PINX1: variants seen among roughly 807,000 people sequenced by gnomAD.
PINX1 encodes PIN2/TERF1-interacting telomerase inhibitor 1.
PINX1 carries 34 observed loss-of-function variants against 25.4 expected under a neutral mutation model. The observed-to-expected ratio is 1.34, with a 90% CI of 1.02 to 1.78. The LOEUF is 1.78. Ranked by LOEUF, PINX1 falls within the 40% of genes most tolerant of loss-of-function variation. The pLI is 0.00. For synonymous variants in PINX1, 197 were observed against 147.7 expected (o/e 1.33, Z -2.42); for missense variants, 592 against 404.9 (o/e 1.46, Z -3.97).
chr8:10,787,122 A>C (rs1165958953), intron 6 of PINX1, among the ~76,000 whole-genome samples: 1 of 152,096 alleles, frequency 6.6e-6, no homozygotes, highest in Non-Finnish European at 1.5e-5. Flanking sequence ...ATTTTTCATG[A>C]ATGCATAAAT....
intron 6 of PINX1, among the ~76,000 whole-genome samples, chr8:10,801,372 A>G (rs10111878): frequency 9.8e-5 from 15 of 152,320 alleles, no homozygotes; most frequent in Admixed American, 2.6e-4. Context: ...TTTATGCCTT[A>G]AAGAGTCTCC....
intron 6 of PINX1, among the ~76,000 whole-genome samples, chr8:10,819,961 A>G (rs1232268637): frequency 6.6e-6 from 1 of 152,224 alleles, no homozygotes; most frequent in African/African-American, 2.4e-5. Flanking sequence ...AACAAAAAGA[A>G]CAAAAGCCAA....
At chr8:10,784,734 C>G (rs898825410) in intron 6 of PINX1, among the ~76,000 whole-genome samples, 7 of 152,128 alleles carry the variant, frequency 4.6e-5, no homozygotes, top group East Asian at 1.9e-4. Context: ...AGAGTCAGAA[C>G]GTGAATTAAA....
At chr8:10,832,480 A>C (rs1798252089) in intron 3 of PINX1, among the ~76,000 whole-genome samples, 1 of 152,198 alleles carries the variant, frequency 6.6e-6, no homozygotes, top group South Asian at 2.1e-4. Context: ...TCTATCCCTC[A>C]ACAACTACAT....
At chr8:10,813,745 A>G (rs554407861) in intron 6 of PINX1, among the ~76,000 whole-genome samples, 1 of 152,286 alleles carries the variant, frequency 6.6e-6, no homozygotes, top group East Asian at 1.9e-4. Context: ...CCAGGAGCCC[A>G]TGCCAGAAGC....
At chr8:10,833,276 A>C (rs1275615824) in intron 2 of PINX1, among the ~76,000 whole-genome samples, 3 of 152,228 alleles carry the variant, frequency 2.0e-5, no homozygotes, top group African/African-American at 4.8e-5. Flanking sequence ...CTGCAAATTA[A>C]GGAATGAAGG....
At chr8:10,810,425 C>T (rs974988242) in intron 6 of PINX1, among the ~76,000 whole-genome samples, 1 of 152,198 alleles carries the variant, frequency 6.6e-6, no homozygotes, top group African/African-American at 2.4e-5. Flanking sequence ...CCTAGCTCAA[C>T]TTCCAATTCT....
At chr8:10,807,333 C>CA (rs1165425703) in intron 6 of PINX1, among the ~76,000 whole-genome samples, 3 of 98,246 alleles carry the variant, frequency 3.1e-5, no homozygotes, top group East Asian at 8.0e-4. Context: ...CCCCACCCCC[C>CA]CCCCCACCAA....
At chr8:10,792,999 T>C (rs934325) in intron 6 of PINX1, among the ~76,000 whole-genome samples, 4,711 of 152,166 alleles carry the variant, frequency 0.031, 250 homozygotes, top group African/African-American at 0.1. Context: ...GCCACTTCCA[T>C]GGATTTGCTA....
chr8:10,804,702 T>A lies in PINX1; in HGVS notation c.471+15491A>T, dbSNP rs1025931494. On this transcript the variant is annotated intron_variant, in intron 6 of 6. Transcript: ENST00000314787. The stretch of plus-strand genomic sequence containing the variant: ...GGAAGGAATGAAAAAGCAAGATGAA[T>A]GCTGGAGGATTAAAAATACAAAATT... Among the ~76,000 whole-genome samples the A allele has an allele frequency of 3.3e-5, 5 of 151,030 alleles. No individual in the cohort carries two copies. In the East Asian group the frequency reaches 9.7e-4, roughly 29 times the overall value.
chr8:10,799,032 G>A (rs960979571), intron 6 of PINX1, among the ~76,000 whole-genome samples: 6 of 152,164 alleles, frequency 3.9e-5, no homozygotes, highest in Non-Finnish European at 5.9e-5. Flanking sequence ...AAGGAAATTA[G>A]AGGTAAGAAC....
chr8:10,789,837 G>C (rs546121824), intron 6 of PINX1, among the ~76,000 whole-genome samples: 1 of 152,152 alleles, frequency 6.6e-6, no homozygotes, highest in Non-Finnish European at 1.5e-5. Context: ...ATCTCTGGCT[G>C]TTTGGATCAT....
chr8:10,802,859 C>T (rs892690283), intron 6 of PINX1, among the ~76,000 whole-genome samples: 5 of 152,162 alleles, frequency 3.3e-5, no homozygotes, highest in Non-Finnish European at 7.3e-5. Context: ...TGTTTGCTTC[C>T]AGCCCTGACT....
chr8:10,820,644 C>T lies in PINX1; in HGVS notation c.395-375G>A, dbSNP rs11988842. Among the ~76,000 whole-genome samples, 1,335 of 152,254 alleles carry T rather than the reference C, an allele frequency of 8.8e-3. 24 individuals carry two copies. The highest frequency in any genetic ancestry group is 0.031 in the African/African-American group (1,275 of 41,542). ...AAATAGATCTCATTTGCTTCAGAGA[C>T]ATGAGCTACTTACTTAGAAGATTAC... is the stretch of plus-strand genomic sequence containing the variant. On this transcript the variant is annotated intron_variant, in intron 5 of 6. Transcript: ENST00000314787.
chr8:10,804,206 T>G (rs1232587705), intron 6 of PINX1, among the ~76,000 whole-genome samples: 1 of 152,154 alleles, frequency 6.6e-6, no homozygotes, highest in Non-Finnish European at 1.5e-5. Flanking sequence ...AGGATGGAGA[T>G]GAGGAAACTT....
intron 4 of PINX1, among the ~76,000 whole-genome samples, chr8:10,826,797 C>A (rs1474936234): frequency 6.6e-6 from 1 of 152,200 alleles, no homozygotes; most frequent in Non-Finnish European, 1.5e-5. Flanking sequence ...CATGACAAAA[C>A]TACAGAGAGA....
rs537279372 is a variant in PINX1 at position 10,809,408 on chromosome 8, A to C, written c.471+10785T>G. 2.3e-4 allele frequency among the ~76,000 whole-genome samples: 35 copies of C among 152,352 alleles called. 1 individual carries two copies. The highest frequency in any genetic ancestry group is 3.4e-3 in the Middle Eastern group (1 of 294). On this transcript the variant is annotated intron_variant, in intron 6 of 6. Coordinates refer to ENST00000314787, the MANE Select transcript of PINX1 (RefSeq NM_017884.6). ...ACTGACAGAACAGGCCCCAAAAGTC[A>C]ATATTTAGCTCTTCTTCCTTTTATC...
At chr8:10,771,462 G>A (rs1221884194) in intron 6 of PINX1, 2 of 152,178 alleles carry the variant, frequency 1.3e-5, no homozygotes, top group Admixed American at 6.5e-5. Flanking sequence ...ATAGCAACTT[G>A]TTGCTTCTAT....
In PINX1 at chr8:10,774,767, CAT is replaced by C. The variant is rs1801336516; in HGVS notation, c.472-8853_472-8852del. Reference sequence around the variant, plus strand: ...AAACTACATAAGGCTAATATTTTCACATACTCTTTCTTTCACCAGAAATCAAT... The same window carrying C: ...AAACTACATAAGGCTAATATTTTCACACTCTTTCTTTCACCAGAAATCAAT... On this transcript the variant is annotated intron_variant, in intron 6 of 6. Transcript: ENST00000314787. Among the ~76,000 whole-genome samples the C allele has an allele frequency of 2.0e-5, 3 of 152,306 alleles. No homozygotes were observed. The South Asian group carries it at 6.2e-4, about 32-fold the overall frequency.
Sources: gnomAD v4.1 joint callset for allele counts (sites outside exome capture counted in the v4.1 genomes callset) on GRCh38, gnomAD v4.1.1 for gene constraint, MANE v1.5 for transcripts, NCBI Gene and HGNC (gene_info 2026-07-23, HGNC 2026-07-21) for gene names.